The following AGBL4 variants were observed in gnomAD, a reference collection of about 807,000 sequenced individuals.
AGBL4 encodes cytosolic carboxypeptidase 6.
A neutral mutation model predicts 66.4 loss-of-function variants in AGBL4; 58 were observed. The observed-to-expected ratio is 0.87, with a 90% CI of 0.71 to 1.09. The LOEUF is 1.09. AGBL4 is among the 50% of genes least tolerant of loss of function. AGBL4 has a pLI of 0.00. For synonymous variants in AGBL4, 234 were observed against 222.9 expected (o/e 1.05, Z -0.44); for missense variants, 579 against 631.0 (o/e 0.92, Z 0.88).
chr1:49,116,630 T>A (rs1645529629), intron 4 of AGBL4, among the ~76,000 whole-genome samples: 1 of 152,224 alleles, frequency 6.6e-6, no homozygotes, highest in South Asian at 2.1e-4. Flanking sequence ...TTGATGGACA[T>A]TTGGGTTAGT....
chr1:49,182,712 C>T (rs1646950757), intron 4 of AGBL4, among the ~76,000 whole-genome samples: 1 of 151,620 alleles, frequency 6.6e-6, no homozygotes, highest in South Asian at 2.1e-4. Context: ...CAGTCCTTGT[C>T]TCCTAGGGGT....
chr1:49,227,811 C>A (rs1650023717), intron 4 of AGBL4, among the ~76,000 whole-genome samples: 1 of 152,192 alleles, frequency 6.6e-6, no homozygotes, highest in South Asian at 2.1e-4. Context: ...ACTCAATATT[C>A]ATGGCTGCAG....
chr1:49,164,559 T>C (rs960071868), intron 4 of AGBL4, among the ~76,000 whole-genome samples: 3 of 152,060 alleles, frequency 2.0e-5, no homozygotes, highest in African/African-American at 7.2e-5. Context: ...GGTTCAGAGC[T>C]CTAGTTCTTG....
intron 4 of AGBL4, among the ~76,000 whole-genome samples, chr1:49,163,976 C>T (rs575227248): frequency 2.0e-5 from 3 of 152,130 alleles, no homozygotes; most frequent in South Asian, 4.1e-4. Flanking sequence ...TTCACGAAGC[C>T]GTTAGAAAAC....
At chr1:49,575,134 A>C (rs1478094387) in intron 3 of AGBL4, among the ~76,000 whole-genome samples, 2 of 152,178 alleles carry the variant, frequency 1.3e-5, no homozygotes, top group Non-Finnish European at 2.9e-5. Context: ...AAAGGGAAAT[A>C]ATCAGACATT....
At chr1:49,113,031 G>A (rs1391004445) in intron 4 of AGBL4, among the ~76,000 whole-genome samples, 11 of 150,358 alleles carry the variant, frequency 7.3e-5, no homozygotes, top group Admixed American at 2.7e-4. Flanking sequence ...GGCTCACTGC[G>A]AGCTCTGCCT....
At chr1:49,557,627 A>G (rs1643936176) in intron 3 of AGBL4, among the ~76,000 whole-genome samples, 1 of 152,070 alleles carries the variant, frequency 6.6e-6, no homozygotes, top group African/African-American at 2.4e-5. Context: ...AGTGGTCTCA[A>G]CTTGAGTTCC....
At chr1:48,566,593 T>C (rs530356409) in intron 11 of AGBL4, among the ~76,000 whole-genome samples, 1 of 152,374 alleles carries the variant, frequency 6.6e-6, no homozygotes, top group South Asian at 2.1e-4. Context: ...AACATTATTC[T>C]GGATGTTTCT....
At chr1:49,804,151 A>T (rs192982895) in intron 2 of AGBL4, among the ~76,000 whole-genome samples, 1 of 152,344 alleles carries the variant, frequency 6.6e-6, no homozygotes, top group Non-Finnish European at 1.5e-5. Context: ...ATATTAAAGT[A>T]TAACTTTAAA....
chr1:48,578,203 C>T (rs1231769708), intron 11 of AGBL4, among the ~76,000 whole-genome samples: 1 of 152,192 alleles, frequency 6.6e-6, no homozygotes, highest in African/African-American at 2.4e-5. Context: ...CTCAAACCTA[C>T]ACCACAAGTT....
At chr1:49,837,571 A>G (rs1019657672) in intron 2 of AGBL4, among the ~76,000 whole-genome samples, 4 of 152,122 alleles carry the variant, frequency 2.6e-5, no homozygotes, top group Non-Finnish European at 5.9e-5. Context: ...TCCTGGCCAG[A>G]TGCAGTGGCT....
intron 4 of AGBL4, among the ~76,000 whole-genome samples, chr1:49,204,334 AAT>A (rs1647961368): frequency 6.6e-6 from 1 of 152,048 alleles, no homozygotes; most frequent in African/African-American, 2.4e-5. Flanking sequence ...GCAGTGGTGT[AAT>A]CACGGCTCAC....
intron 4 of AGBL4, among the ~76,000 whole-genome samples, chr1:49,084,090 G>A (rs896315064): frequency 1.4e-5 from 2 of 140,944 alleles, no homozygotes; most frequent in Admixed American, 1.4e-4. Context: ...CAGCATTTTG[G>A]CCAAAGCCAT....
intron 3 of AGBL4, among the ~76,000 whole-genome samples, chr1:49,676,963 C>T (rs1313856534): frequency 2.0e-5 from 3 of 152,026 alleles, no homozygotes; most frequent in Non-Finnish European, 4.4e-5. Context: ...AGTGATATGC[C>T]ATGGTTTTTA....
At chr1:48,902,009 C>T (rs4332394) in intron 5 of AGBL4, among the ~76,000 whole-genome samples, 133,361 of 152,042 alleles carry the variant, frequency 0.88, 59,307 homozygotes, top group Non-Finnish European at 0.96. Context: ...AGACGAGAGC[C>T]TGTGCAGGGA....
Position 49,746,008 on chromosome 1 carries a change from G to C in AGBL4, c.158-48571C>G, listed in dbSNP as rs187777626. On this transcript the variant is annotated intron_variant, in intron 2 of 13. Coordinates refer to ENST00000371839, the MANE Select transcript of AGBL4 (RefSeq NM_032785.4). ...TAATTAAATCTTAGTAAATTTCAAA[G>C]TTTTGAAATAATACACCTCAGACAT... is the stretch of plus-strand genomic sequence containing the variant. Among the ~76,000 whole-genome samples the C allele has an allele frequency of 6.5e-3, 983 of 152,038 alleles. 3 individuals are homozygous for C. The highest frequency in any genetic ancestry group is 0.011 in the Non-Finnish European group (716 of 67,884).
chr1:49,884,282 C>A (rs1372462419), intron 1 of AGBL4, among the ~76,000 whole-genome samples: 2 of 151,704 alleles, frequency 1.3e-5, no homozygotes, highest in Admixed American at 1.3e-4. Flanking sequence ...TGTTTATTTC[C>A]CTTAAAATAT....
At position 48,663,217 on chromosome 1, in the gene AGBL4, T is replaced by C. The variant is rs1570172816; in HGVS notation, c.659A>G (p.Gln220Arg). 2 of 1,613,942 alleles carry C rather than the reference T, an allele frequency of 1.2e-6. No individual in the cohort carries two copies. The highest frequency in any genetic ancestry group is 1.7e-6 in the Non-Finnish European group (2 of 1,179,868). ...SPDNLREGAEQKVVFITGRVH... is the reference protein window; with the variant it reads ...SPDNLREGAERKVVFITGRVH... ...TCGTCCTGTGATGAATACCACCTTC[T>C]GCTCTGCCCCTTCCCGGAGATTGTC... Residue 220 changes from glutamine (Q) to arginine (R), a missense_variant, in exon 7 of 14, where the codon CAG becomes CGG. Transcript: ENST00000371839.
At chr1:49,558,187 C>G (rs1643948143) in intron 3 of AGBL4, among the ~76,000 whole-genome samples, 1 of 151,870 alleles carries the variant, frequency 6.6e-6, no homozygotes, top group Admixed American at 6.6e-5. Context: ...CAGGTGAGAC[C>G]CAGCACATTA....
Sources: allele counts gnomAD v4.1 joint callset (sites outside exome capture counted in the v4.1 genomes callset), GRCh38; gene constraint gnomAD v4.1.1; transcripts MANE v1.5; gene names NCBI Gene and HGNC (gene_info 2026-07-23, HGNC 2026-07-21).